SYT16: variants seen among roughly 807,000 people sequenced by gnomAD.
SYT16 encodes the protein synaptotagmin-16.
A neutral mutation model predicts 61.4 loss-of-function variants in SYT16; 42 were observed. The observed-to-expected ratio is 0.68, with a 90% confidence interval of 0.53 to 0.89. The LOEUF is 0.89. Among genes scored for constraint, SYT16 ranks in the 40% least tolerant of loss-of-function variants. SYT16 has a pLI of 0.00. For synonymous variants in SYT16, 314 were observed against 302.3 expected (o/e 1.04, Z -0.40); for missense variants, 804 against 807.3 (o/e 1.00, Z 0.05).
chr14:62,005,840 A>G (rs530098946), intron 3 of SYT16, among the ~76,000 whole-genome samples: 7 of 152,216 alleles, frequency 4.6e-5, no homozygotes, highest in Middle Eastern at 3.4e-3. Flanking sequence ...AGCCTATATC[A>G]CTTGTTTATT....
intron 1 of SYT16, among the ~76,000 whole-genome samples, chr14:61,857,110 A>G (rs2046799112): frequency 6.6e-6 from 1 of 152,080 alleles, no homozygotes; most frequent in East Asian, 1.9e-4. Context: ...AAGAAAGCCA[A>G]TAAAGGGTGT....
At chr14:62,094,000 G>A (rs566243664) in intron 7 of SYT16, among the ~76,000 whole-genome samples, 7 of 152,228 alleles carry the variant, frequency 4.6e-5, no homozygotes, top group East Asian at 3.9e-4. Context: ...TATTCAAAAT[G>A]TGACCTCCAT....
intron 1 of SYT16, among the ~76,000 whole-genome samples, chr14:61,930,723 C>G (rs1415001614): frequency 6.6e-6 from 1 of 151,732 alleles, no homozygotes; most frequent in Non-Finnish European, 1.5e-5. Context: ...CCAGGTGGGA[C>G]CAATATAATT....
chr14:61,984,790 A>T (rs1389330838), intron 2 of SYT16, among the ~76,000 whole-genome samples: 1 of 152,218 alleles, frequency 6.6e-6, no homozygotes, highest in Non-Finnish European at 1.5e-5. Flanking sequence ...ATAATGCTAT[A>T]AAATAGGTCA....
chr14:62,053,777 G>A (rs1219732547), intron 3 of SYT16, among the ~76,000 whole-genome samples: 1 of 152,134 alleles, frequency 6.6e-6, no homozygotes, highest in African/African-American at 2.4e-5. Context: ...ACTAAACTCT[G>A]TATGACAATT....
intron 3 of SYT16, among the ~76,000 whole-genome samples, chr14:62,034,814 C>T (rs2054444312): frequency 2.0e-5 from 3 of 152,070 alleles, no homozygotes; most frequent in Non-Finnish European, 2.9e-5. Flanking sequence ...TAAGTCTGTA[C>T]AACATTGTAC....
intron 2 of SYT16, among the ~76,000 whole-genome samples, chr14:61,989,964 G>A (rs568233188): frequency 2.6e-5 from 4 of 152,290 alleles, no homozygotes; most frequent in African/African-American, 9.6e-5. Flanking sequence ...ATTTTTGCCA[G>A]AAAGAGTCCT....
intron 1 of SYT16, among the ~76,000 whole-genome samples, chr14:61,855,735 C>T (rs1341037098): frequency 2.6e-5 from 4 of 152,186 alleles, no homozygotes; most frequent in African/African-American, 4.8e-5. Context: ...AATTTACCAT[C>T]ATAAGAGTAG....
intron 1 of SYT16, among the ~76,000 whole-genome samples, chr14:61,839,040 A>G (rs1197160912): frequency 6.8e-6 from 1 of 146,518 alleles, no homozygotes; most frequent in East Asian, 2.1e-4. Flanking sequence ...CCTCGCAGCC[A>G]CAATTACAGA....
chr14:62,051,886 G>C (rs1382160652), intron 3 of SYT16, among the ~76,000 whole-genome samples: 1 of 152,136 alleles, frequency 6.6e-6, no homozygotes, highest in Non-Finnish European at 1.5e-5. Flanking sequence ...TAGAAAATTA[G>C]CTGGGTGTGG....
At chr14:61,904,753 G>T (rs1180955006) in intron 1 of SYT16, among the ~76,000 whole-genome samples, 1 of 152,210 alleles carries the variant, frequency 6.6e-6, no homozygotes, top group Non-Finnish European at 1.5e-5. Flanking sequence ...AAGGCAGATT[G>T]ACTAAGCCTT....
intron 1 of SYT16, among the ~76,000 whole-genome samples, chr14:61,937,808 G>A (rs2050041404): frequency 6.6e-6 from 1 of 152,098 alleles, no homozygotes; most frequent in Non-Finnish European, 1.5e-5. Context: ...ACTTGGCAGT[G>A]GGAAACCCCA....
chr14:62,012,315 G>C (rs907581698), intron 3 of SYT16, among the ~76,000 whole-genome samples: 1 of 152,110 alleles, frequency 6.6e-6, no homozygotes, highest in African/African-American at 2.4e-5. Context: ...TTATAGGACT[G>C]AGGGCCCCAG....
chr14:62,015,873 A>G (rs1031172723), intron 3 of SYT16, among the ~76,000 whole-genome samples: 1 of 152,200 alleles, frequency 6.6e-6, no homozygotes, highest in African/African-American at 2.4e-5. Flanking sequence ...AGCCTGAACG[A>G]ACTAAAATAA....
intron 1 of SYT16, among the ~76,000 whole-genome samples, chr14:61,833,259 A>G (rs2045998035): frequency 6.8e-6 from 1 of 147,966 alleles, no homozygotes; most frequent in Non-Finnish European, 1.5e-5. Context: ...CTAGATTTCT[A>G]TTTCTCATGG....
At chr14:61,931,429 A>T (rs1014975476) in intron 1 of SYT16, among the ~76,000 whole-genome samples, 1 of 152,248 alleles carries the variant, frequency 6.6e-6, no homozygotes, top group East Asian at 1.9e-4. Context: ...AGCCAAATTG[A>T]TAAATGAAAA....
chr14:61,923,877 A>G lies in SYT16; in HGVS notation c.-324-46255A>G, dbSNP rs2049434163. On this transcript the variant is annotated intron_variant, in intron 1 of 7. Coordinates refer to ENST00000683842, the MANE Select transcript of SYT16 (RefSeq NM_001367656.1). ...CTCCCTTCAAAACCATGTTGACAAA[A>G]ATGATTATAAGACTACATTCTTCAT... Among the ~76,000 whole-genome samples, 3 of 152,204 alleles carry G rather than the reference A, an allele frequency of 2.0e-5. No homozygotes were observed. In the South Asian group the frequency reaches 6.2e-4, roughly 32 times the overall value.
chr14:61,925,742 C>T (rs2049510406), intron 1 of SYT16, among the ~76,000 whole-genome samples: 2 of 152,160 alleles, frequency 1.3e-5, no homozygotes, highest in Non-Finnish European at 2.9e-5. Context: ...TCTCCCTTTT[C>T]ACCTAAATTG....
At chr14:62,087,288 C>T (rs1000825487) in intron 7 of SYT16, among the ~76,000 whole-genome samples, 5 of 152,296 alleles carry the variant, frequency 3.3e-5, no homozygotes, top group Admixed American at 6.5e-5. Flanking sequence ...TGGGGAAAGG[C>T]GGAGGCCGCA....
Sources: allele counts gnomAD v4.1 joint callset (sites outside exome capture counted in the v4.1 genomes callset), GRCh38; gene constraint gnomAD v4.1.1; transcripts MANE v1.5; gene names NCBI Gene and HGNC (gene_info 2026-07-23, HGNC 2026-07-21).